The following AKNAD1 variants were observed in gnomAD, a reference collection of about 807,000 sequenced individuals.
The protein encoded by AKNAD1 is protein AKNAD1.
AKNAD1 carries 67 observed loss-of-function variants against 90.8 expected under a neutral mutation model. That is an observed-to-expected ratio of 0.74 (90% confidence interval 0.61 to 0.90). The LOEUF (loss-of-function observed/expected upper bound fraction) is 0.90. Among genes scored for constraint, AKNAD1 ranks in the 40% least tolerant of loss-of-function variants. AKNAD1 has a pLI of 0.00. For missense variants in AKNAD1, 957 were observed against 975.4 expected (o/e 0.98, Z 0.25); for synonymous variants, 327 against 341.4 (o/e 0.96, Z 0.46).
rs183164822 is a variant in AKNAD1 at position 108,829,110 on chromosome 1, A to C, written c.1838+1449T>G. On this transcript the variant is annotated intron_variant, in intron 10 of 15. Coordinates refer to ENST00000370001, the MANE Select transcript of AKNAD1 (RefSeq NM_152763.5). ...TCAGAGAGAGATTTAATCTTCTAAC[A>C]GAAAGAATATATAGTCCTCCCTTCA... Among the ~76,000 whole-genome samples, 22 of 151,956 alleles carry C rather than the reference A, an allele frequency of 1.4e-4. 1 individual carries two copies. The highest frequency in any genetic ancestry group is 1.2e-3 in the East Asian group (6 of 5,060).
rs193131765 is a variant in AKNAD1 at position 108,816,164 on chromosome 1, C to T, written c.*7G>A. 48 of 1,592,662 alleles carry T rather than the reference C, an allele frequency of 3.0e-5. No homozygotes were observed. The highest frequency in any genetic ancestry group is 2.7e-4 in the African/African-American group (20 of 74,000). Reference sequence around the variant, plus strand: ...TTCTTTTGAATCCTTGGTAGCCTAGCGTTGAACTAGTATTTCAGTCGATTC... The same window carrying T: ...TTCTTTTGAATCCTTGGTAGCCTAGTGTTGAACTAGTATTTCAGTCGATTC... On this transcript the variant is annotated 3_prime_UTR_variant, in exon 16 of 16. Transcript: ENST00000370001.
At chr1:108,822,121 T>G (rs1236191557) in intron 13 of AKNAD1, among the ~76,000 whole-genome samples, 1 of 152,108 alleles carries the variant, frequency 6.6e-6, no homozygotes, top group African/African-American at 2.4e-5. Context: ...TGGATTTTAC[T>G]GGAAACTCAG....
At chr1:108,821,168 A>G (rs562662278) in intron 13 of AKNAD1, among the ~76,000 whole-genome samples, 1 of 152,134 alleles carries the variant, frequency 6.6e-6, no homozygotes, top group African/African-American at 2.4e-5. Flanking sequence ...AGGGAGTTTT[A>G]GGCCAGGCGT....
At chr1:108,817,213 C>T (rs1663641115) in intron 14 of AKNAD1, 36 bp from the exon 15 acceptor site, 6 of 1,611,370 alleles carry the variant, frequency 3.7e-6, no homozygotes, top group African/African-American at 2.7e-5. Context: ...TTGTGTCAAG[C>T]GCCACCCTCA....
chr1:108,856,486 G>A (rs1021185565), intron 1 of AKNAD1, among the ~76,000 whole-genome samples: 3 of 152,042 alleles, frequency 2.0e-5, no homozygotes, highest in South Asian at 2.1e-4. Flanking sequence ...GATTCCTTGA[G>A]GACAGGAGTT....
intron 1 of AKNAD1, among the ~76,000 whole-genome samples, chr1:108,853,383 G>C (rs1375631692): frequency 4.6e-5 from 7 of 151,542 alleles, no homozygotes; most frequent in African/African-American, 1.5e-4. Flanking sequence ...CACCCGCCTT[G>C]GCCTCCCAAA....
At chr1:108,821,967 G>A (rs114644668) in intron 13 of AKNAD1, among the ~76,000 whole-genome samples, 3,101 of 152,198 alleles carry the variant, frequency 0.02, 114 homozygotes, top group African/African-American at 0.071. Flanking sequence ...AAAGGATGCT[G>A]GGAGAGATTG....
At position 108,852,632 on chromosome 1, in the gene AKNAD1, A is replaced by G. The variant is rs772016712; in HGVS notation, c.33T>C (p.Thr11=). 1 of 1,596,672 alleles carries G rather than the reference A, an allele frequency of 6.3e-7. No individual in the cohort carries two copies. The highest frequency in any genetic ancestry group is 2.2e-5 in the East Asian group (1 of 44,772). The part of the protein sequence containing the change: MDEADFSEHT[T]YKQEDLPYDG... Reference sequence around the variant, plus strand: ...CATAAGGCAAATCCTCCTGCTTATAAGTCGTGTGTTCTGAAAAATCAGCCT... The same window carrying G: ...CATAAGGCAAATCCTCCTGCTTATAGGTCGTGTGTTCTGAAAAATCAGCCT... Residue 11 remains threonine (T), a synonymous_variant, in exon 2 of 16, where the codon ACT becomes ACC. Coordinates refer to ENST00000370001, the MANE Select transcript of AKNAD1 (RefSeq NM_152763.5).
chr1:108,842,960 C>T (rs1291922269), intron 6 of AKNAD1, among the ~76,000 whole-genome samples, 174 bp downstream of exon 6: 1 of 152,210 alleles, frequency 6.6e-6, no homozygotes, highest in East Asian at 1.9e-4. Flanking sequence ...TTACACTCAA[C>T]AGGTCCTCCA....
intron 10 of AKNAD1, among the ~76,000 whole-genome samples, chr1:108,830,289 C>A (rs1211989583): frequency 6.6e-6 from 1 of 152,198 alleles, no homozygotes; most frequent in Non-Finnish European, 1.5e-5. Flanking sequence ...CAGAGCCCCA[C>A]CGCTGGCGAT....
rs537008332 is a variant in AKNAD1, at chr1:108,852,143, C to G, written c.522G>C (p.Pro174=). The G allele has an allele frequency of 2.5e-6, 4 of 1,614,074 alleles. No individual in the cohort carries two copies. The highest frequency in any genetic ancestry group is 3.4e-6 in the Non-Finnish European group (4 of 1,180,020). The change falls in exon 2 of 16, where the codon CCG becomes CCC. Residue 174 remains proline (P), a synonymous_variant. Transcript: ENST00000370001. Reference sequence around the variant, plus strand: ...TATTGCTGTTTTCACCATCCCTTTTCGGGTTGAGTTGGTCAGTGAGTTCTG... The same window carrying G: ...TATTGCTGTTTTCACCATCCCTTTTGGGGTTGAGTTGGTCAGTGAGTTCTG... ...QTPELTDQLN[P]KRDGENSNKP...
intron 1 of AKNAD1, among the ~76,000 whole-genome samples, 191 bp from the exon 2 acceptor site, chr1:108,852,958 TGG>T (rs201121619): frequency 6.8e-6 from 1 of 146,546 alleles, no homozygotes; most frequent in Non-Finnish European, 1.5e-5. Context: ...CAGCAAGGAA[TGG>T]GGGAAAAAAA....
At chr1:108,844,991 G>C (rs1664662060) in intron 5 of AKNAD1, among the ~76,000 whole-genome samples, 2 of 151,902 alleles carry the variant, frequency 1.3e-5, no homozygotes, top group Admixed American at 6.6e-5. Flanking sequence ...GCTAATTTTT[G>C]TATTTTTAGT....
chr1:108,819,853 A>AC lies in AKNAD1; in HGVS notation c.2249+691dup, dbSNP rs1663755052. The stretch of plus-strand genomic sequence containing the variant: ...TTCAAGGCTGCAGTGAGATATGATC[A>AC]CCACTGCACTCCATCCTGGGTGACA... On this transcript the variant is annotated intron_variant, in intron 14 of 15. Transcript: ENST00000370001. Among the ~76,000 whole-genome samples, 5 of 148,378 alleles carry AC rather than the reference A, an allele frequency of 3.4e-5. No individual in the cohort carries two copies. In the Admixed American group the frequency reaches 3.4e-4, roughly 10 times the overall value.
In AKNAD1 at chr1:108,815,937, A is replaced by G. The variant is rs1663580020; in HGVS notation, c.*234T>C. ...TTTCTTTTATTATGAGTTAAGAAGA[A>G]CATAGATTTATTTTAAAATAAATAC... On this transcript the variant is annotated 3_prime_UTR_variant, in exon 16 of 16. Transcript: ENST00000370001. 1 of 286,900 alleles carries G rather than the reference A, an allele frequency of 3.5e-6. No homozygotes were observed. The highest frequency in any genetic ancestry group is 5.2e-5 in the Admixed American group (1 of 19,338). The allele number at this position is 286,900 out of a possible 1,614,324, so 17.8% of individuals were successfully genotyped here.
intron 5 of AKNAD1, among the ~76,000 whole-genome samples, chr1:108,844,024 T>A (rs1664630653): frequency 6.7e-6 from 1 of 149,778 alleles, no homozygotes; most frequent in Non-Finnish European, 1.5e-5. Context: ...CAGTTCCTGG[T>A]CTTAGAGATG....
chr1:108,824,388 C>T (rs151003821), intron 11 of AKNAD1, among the ~76,000 whole-genome samples: 1,574 of 151,982 alleles, frequency 0.01, 25 homozygotes, highest in Middle Eastern at 0.051. Context: ...TGCTTCTTGC[C>T]TTACTGAACT....
At position 108,816,895 on chromosome 1, in the gene AKNAD1, T is replaced by C. The variant is rs897221078; in HGVS notation, c.2379+153A>G. ...AAACCTTGCGACTGCTGAGGCTGTG[T>C]GTCTTTAGCTTAGTTCTGAGCACAA... On this transcript the variant is annotated intron_variant, in intron 15 of 15. Coordinates refer to ENST00000370001, the MANE Select transcript of AKNAD1 (RefSeq NM_152763.5). 2.0e-5 allele frequency: 16 copies of C among 818,076 alleles called. No individual in the cohort carries two copies. The Admixed American group carries it at 4.2e-4, about 21-fold the overall frequency. The allele number at this position is 818,076 out of a possible 1,614,324, so 50.7% of individuals were successfully genotyped here. A position where few individuals can be genotyped will look rare whatever the true frequency, so the allele number is the denominator to read the frequency against.
intron 1 of AKNAD1, among the ~76,000 whole-genome samples, chr1:108,853,162 C>T (rs538559068): frequency 4.1e-3 from 527 of 128,020 alleles, no homozygotes; most frequent in Non-Finnish European, 5.7e-3. Flanking sequence ...GACGGAGTCT[C>T]GCTCTGTCGC....
Sources: gnomAD v4.1 joint callset for allele counts (sites outside exome capture counted in the v4.1 genomes callset) on GRCh38, gnomAD v4.1.1 for gene constraint, MANE v1.5 for transcripts, NCBI Gene and HGNC (gene_info 2026-07-23, HGNC 2026-07-21) for gene names.